The following CFAP54 variants were observed in gnomAD, a reference collection of about 807,000 sequenced individuals.
CFAP54 encodes the protein cilia- and flagella-associated protein 54.
CFAP54 carries 290 observed loss-of-function variants against 370.4 expected under a neutral mutation model. The ratio of observed to expected loss-of-function variants is 0.78; its 90% CI spans 0.71 to 0.86. CFAP54 has a LOEUF of 0.86. CFAP54 is among the 40% of genes least tolerant of loss of function. CFAP54 has a pLI of 0.00. For synonymous variants in CFAP54, 1,206 were observed against 1,236.5 expected (o/e 0.98, Z 0.52); for missense variants, 3,399 against 3,528.7 (o/e 0.96, Z 0.93).
At chr12:96,509,517 T>G (rs1338360174) in intron 4 of CFAP54, among the ~76,000 whole-genome samples, 2 of 152,150 alleles carry the variant, frequency 1.3e-5, no homozygotes. Flanking sequence ...CAATCTTGGT[T>G]TTTAAATAAA....
At chr12:96,820,959 A>G (rs1450932210) in intron 65 of CFAP54, among the ~76,000 whole-genome samples, 2 of 152,152 alleles carry the variant, frequency 1.3e-5, no homozygotes, top group Non-Finnish European at 2.9e-5. Flanking sequence ...ATGGAAAATG[A>G]TTATTTTCCT....
chr12:96,828,404 C>T (rs1239559810), intron 65 of CFAP54, among the ~76,000 whole-genome samples: 1 of 151,984 alleles, frequency 6.6e-6, no homozygotes, highest in Non-Finnish European at 1.5e-5. Context: ...TCTATCTTCT[C>T]CTCTGTCTTC....
At chr12:96,673,104 T>C (rs1957167721) in intron 39 of CFAP54, among the ~76,000 whole-genome samples, 1 of 152,210 alleles carries the variant, frequency 6.6e-6, no homozygotes, top group Admixed American at 6.5e-5. Flanking sequence ...TTTGAATAGA[T>C]AAAATTTTCT....
chr12:96,647,270 G>C (rs1956805455), intron 33 of CFAP54: 1 of 151,674 alleles, frequency 6.6e-6, no homozygotes, highest in Admixed American at 6.6e-5. Flanking sequence ...TCAGGAGATC[G>C]AGACCATCCT....
chr12:96,507,950 C>T (rs1341587899), intron 4 of CFAP54, among the ~76,000 whole-genome samples: 7 of 152,150 alleles, frequency 4.6e-5, no homozygotes, highest in East Asian at 3.9e-4. Flanking sequence ...TCCAGAGATT[C>T]GATGTTACCT....
At chr12:96,652,097 A>AT (rs1021779445) in intron 36 of CFAP54, among the ~76,000 whole-genome samples, 1 of 152,148 alleles carries the variant, frequency 6.6e-6, no homozygotes, top group Non-Finnish European at 1.5e-5. Flanking sequence ...CCTTATAACA[A>AT]TTTTTTGCCA....
intron 42 of CFAP54, among the ~76,000 whole-genome samples, chr12:96,685,601 G>A (rs1957321153): frequency 6.6e-6 from 1 of 151,860 alleles, no homozygotes. Flanking sequence ...GCCCTGGCTG[G>A]AGTGCAGTGG....
rs980829885 is a variant in CFAP54, at chr12:96,540,928, G to A, written c.2018G>A (p.Arg673Gln). 2.0e-5 allele frequency: 30 copies of A among 1,519,348 alleles called. No individual in the cohort carries two copies. The highest frequency in any genetic ancestry group is 5.0e-5 in the East Asian group (2 of 40,010). The allele number at this position is 1,519,348 out of a possible 1,614,324, so 94.1% of individuals were successfully genotyped here. Residue 673 changes from arginine to glutamine, a missense_variant, in exon 14 of 68, where the codon CGG becomes CAG. Arg to Gln is a conservative substitution (Grantham distance 43). Around this residue, in one of 3 missense-constraint regions of CFAP54, gnomAD observed 2,796 missense variants for 2,869.7 expected, o/e 0.97. Transcript: ENST00000524981. ...DIVVVAEVTLRLSEILESLGS... is the reference protein window; with the variant it reads ...DIVVVAEVTLQLSEILESLGS... ...GTGGTAGTGGCAGAAGTCACATTACGGTTAAGTGAAATATTGGAATCTTTA... is the reference window on the plus strand; with the variant it reads ...GTGGTAGTGGCAGAAGTCACATTACAGTTAAGTGAAATATTGGAATCTTTA...
At position 96,540,858 on chromosome 12, in the gene CFAP54, A is replaced by G. The variant is rs1166026380; in HGVS notation, c.1948A>G (p.Ile650Val). The stretch of plus-strand genomic sequence containing the variant: ...TTAGTGGATTTATCTTCTGTGGCAG[A>G]TAAATGAAGTAATTCACTGCTATAA... ...TNKWIYLLWQINEVIHCYKME... is the reference protein window; with the variant it reads ...TNKWIYLLWQVNEVIHCYKME... Residue 650 changes from isoleucine to valine, a missense_variant, in exon 14 of 68, where the codon ATA (isoleucine) becomes GTA (valine). By Grantham distance (29) the Ile-to-Val change is conservative (BLOSUM62 3). Coordinates refer to ENST00000524981, the MANE Select transcript of CFAP54 (RefSeq NM_001306084.2). The G allele has an allele frequency of 6.8e-7, 1 of 1,460,290 alleles. No individual in the cohort carries two copies. 90.5% of individuals were successfully genotyped at this position (1,460,290 alleles called of 1,614,324 possible).
At chr12:96,828,666 C>T (rs1046219298) in intron 65 of CFAP54, among the ~76,000 whole-genome samples, 1 of 152,268 alleles carries the variant, frequency 6.6e-6, no homozygotes, top group African/African-American at 2.4e-5. Flanking sequence ...CCTTTTCATT[C>T]GCTCTTCCCC....
At chr12:96,874,621 A>AT (rs879766891) in intron 67 of CFAP54, among the ~76,000 whole-genome samples, 5 of 34,286 alleles carry the variant, frequency 1.5e-4, no homozygotes, top group Non-Finnish European at 2.8e-4. Flanking sequence ...GCTTTTTTTT[A>AT]TTTTTATTTT....
chr12:96,620,742 A>G (rs1565917332), intron 26 of CFAP54, among the ~76,000 whole-genome samples: 1 of 152,208 alleles, frequency 6.6e-6, no homozygotes, highest in African/African-American at 2.4e-5. Context: ...TATGCAAATC[A>G]GATTGCTGGC....
chr12:96,574,437 A>G (rs1955955490), intron 19 of CFAP54, among the ~76,000 whole-genome samples: 1 of 152,118 alleles, frequency 6.6e-6, no homozygotes, highest in Non-Finnish European at 1.5e-5. Context: ...TTTTATTGAT[A>G]ATTCTATTAG....
At chr12:96,518,355 T>C (rs1011660446) in intron 5 of CFAP54, among the ~76,000 whole-genome samples, 3 of 152,108 alleles carry the variant, frequency 2.0e-5, no homozygotes, top group African/African-American at 7.2e-5. Context: ...ACTGTTGACA[T>C]GGTAAATGTT....
Position 96,598,641 on chromosome 12 carries a change from T to G in CFAP54, c.3517-4T>G, listed in dbSNP as rs943453401. ...ACAAAAATCATTGTGATTCTAATTT[T>G]TAGATCCTGATAAAGTGTATAGTGG... On this transcript the variant is annotated splice_polypyrimidine_tract_variant and splice_region_variant and intron_variant, in intron 25 of 67. Transcript: ENST00000524981. 16 of 608,956 alleles carry G rather than the reference T, an allele frequency of 2.6e-5. No homozygotes were observed. In the African/African-American group the frequency reaches 2.8e-4, roughly 10 times the overall value. The allele number at this position is 608,956 out of a possible 1,614,324, so 37.7% of individuals were successfully genotyped here.
intron 26 of CFAP54, among the ~76,000 whole-genome samples, chr12:96,612,032 G>C (rs974581247): frequency 6.6e-6 from 1 of 152,044 alleles, no homozygotes; most frequent in Non-Finnish European, 1.5e-5. Flanking sequence ...CAAATTCAGG[G>C]TTACAGAGAA....
At chr12:96,495,257 C>T (rs1403693476) in intron 1 of CFAP54, among the ~76,000 whole-genome samples, 1 of 58,284 alleles carries the variant, frequency 1.7e-5, no homozygotes, top group Non-Finnish European at 4.5e-5. Flanking sequence ...TCCTTCCTTC[C>T]TTCCTTCCTT....
At chr12:96,699,820 A>C in intron 45 of CFAP54, 151 bp from the exon 46 acceptor site, 1 of 599,516 alleles carries the variant, frequency 1.7e-6, no homozygotes, top group Non-Finnish European at 2.9e-6. Context: ...ATCTCTCTCC[A>C]CTGTGTCTAG....
Position 96,700,072 on chromosome 12 carries a change from T to C in CFAP54, c.6453T>C (p.Tyr2151=), listed in dbSNP as rs1382701199. The C allele has an allele frequency of 6.2e-7, 1 of 1,607,286 alleles. No homozygotes were observed. Among genetic ancestry groups the C allele is most frequent in the East Asian group, 2.2e-5 (1 of 44,736 alleles). ...TGCCTTGTCCAATACCTGCAGGCTA[T>C]AAAGCCACTGGAAAAATGAAGGTAA... ...KNMPCPIPAG[Y]KATGKMKIFQ... is the part of the protein sequence containing the mutation. The change falls in exon 46 of 68, where the codon TAT becomes TAC. Residue 2151 remains tyrosine, a synonymous_variant. Coordinates refer to ENST00000524981, the MANE Select transcript of CFAP54 (RefSeq NM_001306084.2).
Sources: gnomAD v4.1 joint callset for allele counts (sites outside exome capture counted in the v4.1 genomes callset) on GRCh38, gnomAD v4.1.1 for gene constraint, gnomAD v4.1.1 regional missense constraint, MANE v1.5 for transcripts, NCBI Gene and HGNC (gene_info 2026-07-23, HGNC 2026-07-21) for gene names.